ARHGAP42: variants seen among roughly 807,000 people sequenced by gnomAD.
ARHGAP42 encodes the protein rho GTPase-activating protein 42.
ARHGAP42 carries 63 observed loss-of-function variants against 125.0 expected under a neutral mutation model. The observed-to-expected ratio is 0.50, with a 90% CI of 0.41 to 0.62. The LOEUF (loss-of-function observed/expected upper bound fraction) is 0.62, where lower values mean the gene tolerates loss of function less well. Among genes scored for constraint, ARHGAP42 ranks in the 20% least tolerant of loss-of-function variants. ARHGAP42 has a pLI of 0.00. For synonymous variants in ARHGAP42, 339 were observed against 351.0 expected (o/e 0.97, Z 0.38); for missense variants, 766 against 1,024.2 (o/e 0.75, Z 3.44).
At chr11:100,739,154 G>GT (rs1403434185) in intron 1 of ARHGAP42, among the ~76,000 whole-genome samples, 8 of 142,982 alleles carry the variant, frequency 5.6e-5, no homozygotes, top group Non-Finnish European at 1.3e-4. Flanking sequence ...CTTTTTTTTT[G>GT]TTTTTGTTTT....
chr11:100,767,068 A>G (rs1862845890), intron 1 of ARHGAP42, among the ~76,000 whole-genome samples: 1 of 152,314 alleles, frequency 6.6e-6, no homozygotes, highest in Admixed American at 6.5e-5. Context: ...TGAAACTGCT[A>G]TCAACAGATT....
At chr11:100,706,325 T>C (rs1220802583) in intron 1 of ARHGAP42, among the ~76,000 whole-genome samples, 1 of 152,228 alleles carries the variant, frequency 6.6e-6, no homozygotes, top group Admixed American at 6.5e-5. Context: ...ATGATATATT[T>C]TTAGTAAGTG....
At chr11:100,947,044 A>T (rs539874544) in intron 10 of ARHGAP42, among the ~76,000 whole-genome samples, 41 of 152,048 alleles carry the variant, frequency 2.7e-4, no homozygotes, top group African/African-American at 9.2e-4. Flanking sequence ...GATTTTTAAG[A>T]TCCACTTACT....
At chr11:100,708,090 C>A (rs1163887775) in intron 1 of ARHGAP42, among the ~76,000 whole-genome samples, 2 of 152,182 alleles carry the variant, frequency 1.3e-5, no homozygotes, top group Non-Finnish European at 2.9e-5. Flanking sequence ...CCTAGTAAGT[C>A]ATTCCTTCTT....
intron 16 of ARHGAP42, among the ~76,000 whole-genome samples, chr11:100,962,719 A>T (rs1857986963): frequency 6.6e-6 from 1 of 152,106 alleles, no homozygotes; most frequent in African/African-American, 2.4e-5. Flanking sequence ...TCTACTAAAA[A>T]TACAAAATTA....
chr11:100,692,703 C>A (rs1861211909), intron 1 of ARHGAP42, among the ~76,000 whole-genome samples: 1 of 152,172 alleles, frequency 6.6e-6, no homozygotes, highest in South Asian at 2.1e-4. Flanking sequence ...TCAGTTAAGG[C>A]ATTAGCCAGA....
At chr11:100,826,177 AT>A (rs971539604) in intron 3 of ARHGAP42, among the ~76,000 whole-genome samples, 6 of 151,508 alleles carry the variant, frequency 4.0e-5, no homozygotes, top group Non-Finnish European at 5.9e-5. Context: ...GGTTTTAATA[AT>A]TTCTGGACAA....
intron 1 of ARHGAP42, among the ~76,000 whole-genome samples, chr11:100,753,429 C>T (rs987593826): frequency 2.0e-5 from 3 of 152,206 alleles, no homozygotes; most frequent in African/African-American, 7.2e-5. Flanking sequence ...AATGCCACTC[C>T]TCATCTGCCC....
chr11:100,978,619 G>T (rs1199324175), intron 21 of ARHGAP42, among the ~76,000 whole-genome samples: 1 of 152,188 alleles, frequency 6.6e-6, no homozygotes, highest in Admixed American at 6.6e-5. Flanking sequence ...CTTTTGTCAT[G>T]TTGATTTGAT....
intron 4 of ARHGAP42, among the ~76,000 whole-genome samples, chr11:100,911,133 G>A (rs570174081): frequency 1.3e-5 from 2 of 152,252 alleles, no homozygotes; most frequent in South Asian, 2.1e-4. Flanking sequence ...GTACTATACT[G>A]TAACCCGGCT....
In ARHGAP42 at chr11:100,941,884, GGTGA is replaced by G; in HGVS notation, c.933+3_933+6del. 6.6e-7 allele frequency: 1 copy of G among 1,519,904 alleles called. No homozygotes were observed. The highest frequency in any genetic ancestry group is 8.8e-7 in the Non-Finnish European group (1 of 1,130,820). The allele number at this position is 1,519,904 out of a possible 1,614,324, so 94.2% of individuals were successfully genotyped here. A position where few individuals can be genotyped will look rare whatever the true frequency, so the allele number is the denominator to read the frequency against. On this transcript the variant is annotated splice_donor_variant and splice_donor_region_variant and intron_variant, in intron 9 of 23. Transcript: ENST00000298815. LOFTEE classifies it high-confidence loss of function. ...CAGAAATGAAATCCAGTGGGAAAAT[GGTGA>G]GTTAGTTTTGTTTTCTGTTTGTTTT... is the stretch of plus-strand genomic sequence containing the variant.
chr11:100,822,177 A>G (rs924329767), intron 3 of ARHGAP42, among the ~76,000 whole-genome samples: 3 of 152,148 alleles, frequency 2.0e-5, no homozygotes, highest in African/African-American at 7.2e-5. Flanking sequence ...AATATTTTTA[A>G]TATTTTCGTT....
intron 1 of ARHGAP42, among the ~76,000 whole-genome samples, chr11:100,716,120 G>C (rs919802733): frequency 6.6e-6 from 1 of 152,152 alleles, no homozygotes; most frequent in African/African-American, 2.4e-5. Context: ...TGGGAAACAC[G>C]TACTGTTAGT....
At chr11:100,780,265 T>C (rs1863275034) in intron 2 of ARHGAP42, among the ~76,000 whole-genome samples, 1 of 152,150 alleles carries the variant, frequency 6.6e-6, no homozygotes, top group Non-Finnish European at 1.5e-5. Flanking sequence ...AAAAGGCTTA[T>C]TTCAGGGAGG....
intron 1 of ARHGAP42, among the ~76,000 whole-genome samples, chr11:100,708,692 T>C (rs988825648): frequency 6.6e-6 from 1 of 152,168 alleles, no homozygotes; most frequent in African/African-American, 2.4e-5. Flanking sequence ...TATTTTTAAT[T>C]TAACCTCCCA....
intron 4 of ARHGAP42, among the ~76,000 whole-genome samples, chr11:100,891,395 G>T (rs1346755637): frequency 6.7e-6 from 1 of 149,548 alleles, no homozygotes; most frequent in Non-Finnish European, 1.5e-5. Context: ...ATCCTTATAG[G>T]TTCAGAGATG....
intron 3 of ARHGAP42, among the ~76,000 whole-genome samples, chr11:100,835,011 T>A (rs1286639164): frequency 6.6e-6 from 1 of 152,132 alleles, no homozygotes; most frequent in Admixed American, 6.6e-5. Context: ...AGTAAAACAC[T>A]TCATCTGAGT....
chr11:100,802,424 C>CTTTT (rs777832011), intron 3 of ARHGAP42, among the ~76,000 whole-genome samples: 18 of 123,892 alleles, frequency 1.5e-4, no homozygotes, highest in East Asian at 2.3e-4. Flanking sequence ...TCCTTTCTTT[C>CTTTT]TTTTTTTTTT....
chr11:100,747,329 A>G (rs961732487), intron 1 of ARHGAP42, among the ~76,000 whole-genome samples: 2 of 152,262 alleles, frequency 1.3e-5, no homozygotes, highest in Admixed American at 6.5e-5. Flanking sequence ...TGCTTCCTGT[A>G]TGATTTTTAT....
Sources: gnomAD v4.1 joint callset for allele counts (sites outside exome capture counted in the v4.1 genomes callset) on GRCh38, gnomAD v4.1.1 for gene constraint, MANE v1.5 for transcripts, NCBI Gene and HGNC (gene_info 2026-07-23, HGNC 2026-07-21) for gene names.